Variants in PHACTR3 observed in about 807,000 individuals in gnomAD.
The protein encoded by PHACTR3 is phosphatase and actin regulator 3.
PHACTR3 carries 16 observed loss-of-function variants against 66.8 expected under a neutral mutation model. That is an observed-to-expected ratio of 0.24 (90% CI 0.16 to 0.36). The LOEUF is 0.36. Among genes scored for constraint, PHACTR3 ranks in the 10% least tolerant of loss-of-function variants. The pLI is 1.00. For missense variants in PHACTR3, 647 were observed against 719.9 expected (o/e 0.90, Z 1.16); for synonymous variants, 323 against 292.1 (o/e 1.11, Z -1.08).
chr20:59,590,897 G>C (rs549123037), intron 1 of PHACTR3, among the ~76,000 whole-genome samples: 1 of 152,232 alleles, frequency 6.6e-6, no homozygotes, highest in South Asian at 2.1e-4. Context: ...ATGAGGGTGG[G>C]GCCCTCATGA....
chr20:59,843,113 TATTTAAA>T (rs2059094092), intron 11 of PHACTR3, among the ~76,000 whole-genome samples: 1 of 152,016 alleles, frequency 6.6e-6, no homozygotes, highest in Non-Finnish European at 1.5e-5. Context: ...AAGGCAATCT[TATTTAAA>T]ATAGGTACCA....
intron 1 of PHACTR3, among the ~76,000 whole-genome samples, chr20:59,622,517 G>A (rs761893316): frequency 2.4e-4 from 37 of 152,148 alleles, no homozygotes; most frequent in Admixed American, 5.2e-4. Context: ...GAAAGTGCTG[G>A]CCCTGCTGAC....
intron 8 of PHACTR3, among the ~76,000 whole-genome samples, chr20:59,822,060 G>GCA (rs2145424229): frequency 2.1e-5 from 1 of 48,046 alleles, no homozygotes; most frequent in East Asian, 8.1e-4. Flanking sequence ...CTTCCCCAGC[G>GCA]ATCCGCCCCG....
chr20:59,635,101 C>CTCCTTTCTTTCTT (rs2034802219), intron 1 of PHACTR3, among the ~76,000 whole-genome samples: 6 of 92,904 alleles, frequency 6.5e-5, no homozygotes, highest in African/African-American at 2.6e-4. Flanking sequence ...TTCTTTCTCT[C>CTCCTTTCTTTCTT]TCTTTCTTTC....
At position 59,682,396 on chromosome 20, in the gene PHACTR3, A is replaced by T. The variant is rs150224896; in HGVS notation, c.119-60711A>T. Among the ~76,000 whole-genome samples the T allele has an allele frequency of 1.1e-4, 17 of 152,316 alleles. No individual in the cohort carries two copies. The East Asian group carries it at 2.9e-3, about 26-fold the overall frequency. ...GAAAGAAATCTGGCCTCTTAATGGA[A>T]CCAAAGTCTGCGGGGTCCCTAGAGT... On this transcript the variant is annotated intron_variant, in intron 1 of 12. Transcript: ENST00000371015.
At chr20:59,778,568 G>A (rs770260028) in intron 7 of PHACTR3, among the ~76,000 whole-genome samples, 3 of 152,224 alleles carry the variant, frequency 2.0e-5, no homozygotes, top group Admixed American at 1.3e-4. Context: ...CGTCCCTGAC[G>A]CCAATACCAT....
intron 7 of PHACTR3, among the ~76,000 whole-genome samples, chr20:59,777,195 G>C (rs1306328534): frequency 6.6e-6 from 1 of 152,168 alleles, no homozygotes; most frequent in Non-Finnish European, 1.5e-5. Flanking sequence ...TTCATATGAG[G>C]ATAGTAGTAT....
intron 8 of PHACTR3, among the ~76,000 whole-genome samples, chr20:59,819,557 A>G (rs1415095105): frequency 6.6e-6 from 1 of 151,806 alleles, no homozygotes; most frequent in African/African-American, 2.4e-5. Flanking sequence ...AAAAAAAGAA[A>G]ACAAAATGGT....
At chr20:59,665,546 TGGG>T (rs1470967823) in intron 1 of PHACTR3, among the ~76,000 whole-genome samples, 1 of 152,138 alleles carries the variant, frequency 6.6e-6, no homozygotes, top group African/African-American at 2.4e-5. Flanking sequence ...GCTATCTACT[TGGG>T]GGCAGAAATA....
chr20:59,640,955 AC>A (rs1331083800), intron 1 of PHACTR3, among the ~76,000 whole-genome samples: 1 of 152,148 alleles, frequency 6.6e-6, no homozygotes, highest in Non-Finnish European at 1.5e-5. Context: ...GGTTTCTTTT[AC>A]TGTGTTTCTC....
chr20:59,773,334 G>A lies in PHACTR3; in HGVS notation c.807G>A (p.Arg269=), dbSNP rs1302994593. The change falls in exon 6 of 13, where the codon CGG becomes CGA. Residue 269 remains arginine, a synonymous_variant. Transcript: ENST00000371015. ...TGAAGAGTGCCGACCCTTCCCTCCGGGGCCAGCTCTCCACACCCACGGGGT... is the reference window on the plus strand; with the variant it reads ...TGAAGAGTGCCGACCCTTCCCTCCGAGGCCAGCTCTCCACACCCACGGGGT... The part of the protein sequence containing the change: ...SSMKSADPSL[R]GQLSTPTGSP... 1.2e-6 allele frequency: 2 copies of A among 1,614,152 alleles called. No individual in the cohort carries two copies. Among genetic ancestry groups the A allele is most frequent in the South Asian group, 1.1e-5 (1 of 91,082 alleles).
At chr20:59,668,765 G>A (rs141538508) in intron 1 of PHACTR3, among the ~76,000 whole-genome samples, 300 of 152,224 alleles carry the variant, frequency 2.0e-3, no homozygotes, top group Non-Finnish European at 2.4e-3. Flanking sequence ...GCAATGGCAT[G>A]ATCTCGGCTC....
intron 1 of PHACTR3, among the ~76,000 whole-genome samples, chr20:59,595,191 G>C (rs779106943): frequency 8.5e-5 from 13 of 152,098 alleles, no homozygotes; most frequent in Non-Finnish European, 1.6e-4. Flanking sequence ...TGCCGGGCGT[G>C]GTGGCTCACA....
intron 1 of PHACTR3, among the ~76,000 whole-genome samples, chr20:59,693,560 C>T (rs1052669397): frequency 5.9e-5 from 9 of 152,164 alleles, no homozygotes; most frequent in African/African-American, 2.2e-4. Flanking sequence ...AGGCACCAGC[C>T]CTGTCTGTAG....
chr20:59,641,632 A>C (rs945234538), intron 1 of PHACTR3, among the ~76,000 whole-genome samples: 2 of 152,192 alleles, frequency 1.3e-5, no homozygotes, highest in African/African-American at 4.8e-5. Context: ...AAACTCCCTC[A>C]TGGGCACCCA....
chr20:59,675,757 C>T (rs895244688), intron 1 of PHACTR3, among the ~76,000 whole-genome samples: 2 of 152,166 alleles, frequency 1.3e-5, no homozygotes, highest in African/African-American at 4.8e-5. Flanking sequence ...GCACAGCCCC[C>T]ACCACAGAGA....
intron 1 of PHACTR3, among the ~76,000 whole-genome samples, chr20:59,625,262 G>A (rs6100527): frequency 6.6e-6 from 1 of 152,010 alleles, no homozygotes; most frequent in Non-Finnish European, 1.5e-5. Context: ...TTGACCCTGA[G>A]GCAGGCCCCA....
chr20:59,823,621 C>G (rs1170420558), intron 8 of PHACTR3, among the ~76,000 whole-genome samples: 1 of 152,212 alleles, frequency 6.6e-6, no homozygotes, highest in Non-Finnish European at 1.5e-5. Flanking sequence ...TGTGTCTCCT[C>G]CAAGTTCCAC....
chr20:59,805,024 G>A (rs1045461550), intron 7 of PHACTR3, among the ~76,000 whole-genome samples: 3 of 152,152 alleles, frequency 2.0e-5, no homozygotes, highest in Non-Finnish European at 2.9e-5. Context: ...AACCTACATC[G>A]CATGTAGATA....
Sources: gnomAD v4.1 joint callset for allele counts (sites outside exome capture counted in the v4.1 genomes callset) on GRCh38, gnomAD v4.1.1 for gene constraint, MANE v1.5 for transcripts, NCBI Gene and HGNC (gene_info 2026-07-23, HGNC 2026-07-21) for gene names.